The following NANOS3 variants were observed in gnomAD, a reference collection of about 807,000 sequenced individuals.
NANOS3 encodes the protein nanos C2HC-type zinc finger 3.
NANOS3 carries 11 observed loss-of-function variants against 13.8 expected under a neutral mutation model. The ratio of observed to expected loss-of-function variants is 0.80; its 90% confidence interval spans 0.50 to 1.32. The LOEUF (loss-of-function observed/expected upper bound fraction) is 1.32. NANOS3 is among the 40% of genes most tolerant of loss of function. The pLI is 0.00. For synonymous variants in NANOS3, 119 were observed against 115.4 expected (o/e 1.03, Z -0.20); for missense variants, 221 against 263.8 (o/e 0.84, Z 1.12).
intron 1 of NANOS3, among the ~76,000 whole-genome samples, chr19:13,870,471 G>A (rs940840503): frequency 8.6e-5 from 13 of 151,134 alleles, no homozygotes; most frequent in Non-Finnish European, 1.3e-4. Flanking sequence ...TCTCACCTCC[G>A]ACTCTGATCC....
At chr19:13,867,487 C>G (rs1262549334) in intron 1 of NANOS3, among the ~76,000 whole-genome samples, 1 of 145,200 alleles carries the variant, frequency 6.9e-6, no homozygotes, top group Non-Finnish European at 1.6e-5. Flanking sequence ...TCGTCTCAAA[C>G]TCGTTGAGCT....
upstream of NANOS3, among the ~76,000 whole-genome samples, chr19:13,875,878 C>T (rs2145077625): frequency 6.6e-6 from 1 of 152,162 alleles, no homozygotes; most frequent in East Asian, 1.9e-4. Context: ...GTGTAAGCGG[C>T]ACAGCGTCTC....
chr19:13,864,178 A>T (rs1209290565), upstream of NANOS3, among the ~76,000 whole-genome samples: 1 of 150,938 alleles, frequency 6.6e-6, no homozygotes, highest in Non-Finnish European at 1.5e-5. Flanking sequence ...CGATCATTCC[A>T]GCCTTGTGCA....
At chr19:13,862,400 A>C (rs1599295000), upstream of NANOS3, among the ~76,000 whole-genome samples, 1 of 152,118 alleles carries the variant, frequency 6.6e-6, no homozygotes, top group African/African-American at 2.4e-5. Flanking sequence ...CGGCCTCCAC[A>C]GCTGGGAGGG....
chr19:13,876,732 T>A (rs1275351192), upstream of NANOS3, among the ~76,000 whole-genome samples: 1 of 151,934 alleles, frequency 6.6e-6, no homozygotes, highest in African/African-American at 2.4e-5. Flanking sequence ...ACCTGGCCAC[T>A]CCCCCGCCCA....
chr19:13,876,071 G>T (rs903440474), upstream of NANOS3, among the ~76,000 whole-genome samples: 1 of 152,122 alleles, frequency 6.6e-6, no homozygotes, highest in African/African-American at 2.4e-5. Flanking sequence ...CGCCAGGAAA[G>T]GGCTCCCTCC....
chr19:13,862,048 G>C (rs1460052535), upstream of NANOS3: 2 of 152,450 alleles, frequency 1.3e-5, no homozygotes, highest in Non-Finnish European at 2.9e-5. Flanking sequence ...AGGAGTCTGG[G>C]GGGTGAGAAG....
At chr19:13,866,809 C>T (rs534107619) in intron 1 of NANOS3, among the ~76,000 whole-genome samples, 11 of 152,130 alleles carry the variant, frequency 7.2e-5, no homozygotes, top group Non-Finnish European at 1.6e-4. Context: ...CACACACAGA[C>T]ATCCATGTGT....
upstream of NANOS3, chr19:13,874,652 A>T (rs773994989): frequency 3.9e-6 from 2 of 511,924 alleles, no homozygotes; most frequent in Non-Finnish European, 8.3e-6. Flanking sequence ...CTCCCTCTTC[A>T]TGCTCTCTGG....
Position 13,877,624 on chromosome 19 carries a change from C to A in NANOS3, c.376C>A (p.Arg126Ser). The change falls in exon 1 of 2, where the codon CGC becomes AGC. Residue 126 changes from arginine (R) to serine (S), a missense_variant. Transcript: ENST00000339133. ...CACACGTGAGCGCGCCCACACCCGA[C>A]GCTTCTGCCCACTTACTGGCCAGGG... ...GATRERAHTR[R>S]FCPLTGQGYT... 1 of 1,612,278 alleles carries A rather than the reference C, an allele frequency of 6.2e-7. No individual in the cohort carries two copies. Among genetic ancestry groups the A allele is most frequent in the Non-Finnish European group, 8.5e-7 (1 of 1,180,000 alleles).
At chr19:13,866,873 C>CCACA (rs1000388893) in intron 1 of NANOS3, among the ~76,000 whole-genome samples, 1 of 151,704 alleles carries the variant, frequency 6.6e-6, no homozygotes. Context: ...GTCACCCCCA[C>CCACA]CACACACACA....
At chr19:13,874,092 G>C (rs1311704317), upstream of NANOS3, among the ~76,000 whole-genome samples, 2 of 152,132 alleles carry the variant, frequency 1.3e-5, no homozygotes, top group African/African-American at 4.8e-5. Flanking sequence ...CCGCGCACGC[G>C]GGGCGAGCGG....
intron 1 of NANOS3, among the ~76,000 whole-genome samples, chr19:13,868,040 A>T (rs1402509666): frequency 4.9e-5 from 7 of 141,536 alleles, no homozygotes; most frequent in African/African-American, 1.1e-4. Context: ...ACCCAATAAT[A>T]TTTTTTTTTT....
Position 13,877,756 on chromosome 19 carries a change from G to C in NANOS3, c.508G>C (p.Gly170Arg). 6.4e-7 allele frequency: 1 copy of C among 1,563,432 alleles called. No homozygotes were observed. The highest frequency in any genetic ancestry group is 8.6e-7 in the Non-Finnish European group (1 of 1,157,438). The change falls in exon 1 of 2, where the codon GGA becomes CGA. Residue 170 changes from glycine (G) to arginine (R), a missense_variant. Transcript: ENST00000339133. ...CACAGGCCACCGCCGAGGAGGAGGA[G>C]GAGGAGCAGGTGCCTGCACAGGTGG... ...QDTGHRRGGG[G>R]GAGFRGAGKS...
chr19:13,872,657 G>A (rs761774771), upstream of NANOS3, among the ~76,000 whole-genome samples: 2 of 152,202 alleles, frequency 1.3e-5, no homozygotes, highest in Non-Finnish European at 2.9e-5. Flanking sequence ...TTAGAATGAT[G>A]ATCCACAAGG....
At chr19:13,871,210 G>A (rs1976322896) in intron 1 of NANOS3, among the ~76,000 whole-genome samples, 1 of 152,168 alleles carries the variant, frequency 6.6e-6, no homozygotes, top group Non-Finnish European at 1.5e-5. Context: ...GTCACAGACA[G>A]GAGATGGAGA....
rs748946608 is a variant in NANOS3, at chr19:13,877,768, G to T, written c.517+3G>T. 4 of 1,551,644 alleles carry T rather than the reference G, an allele frequency of 2.6e-6. No individual in the cohort carries two copies. The highest frequency in any genetic ancestry group is 2.7e-5 in the African/African-American group (2 of 73,412). On this transcript the variant is annotated splice_donor_region_variant and intron_variant, in intron 1 of 1. Coordinates refer to ENST00000339133, the MANE Select transcript of NANOS3 (RefSeq NM_001098622.3). ...CCGAGGAGGAGGAGGAGGAGCAGGT[G>T]CCTGCACAGGTGGCTGGGGGGGACC...
upstream of NANOS3, among the ~76,000 whole-genome samples, chr19:13,873,914 G>C (rs1968453263): frequency 6.6e-6 from 1 of 151,934 alleles, no homozygotes. Flanking sequence ...CCGGGGCGGG[G>C]GGGTGGTCGC....
At chr19:13,866,750 T>C (rs1183839076) in intron 1 of NANOS3, among the ~76,000 whole-genome samples, 2 of 152,056 alleles carry the variant, frequency 1.3e-5, no homozygotes, top group African/African-American at 4.8e-5. Context: ...CTAAAGCCCA[T>C]CAGTCAGGCA....
Sources: allele counts gnomAD v4.1 joint callset (sites outside exome capture counted in the v4.1 genomes callset), GRCh38; gene constraint gnomAD v4.1.1; transcripts MANE v1.5; gene names NCBI Gene and HGNC (gene_info 2026-07-23, HGNC 2026-07-21).